ZMAT4: variants seen among roughly 807,000 people sequenced by gnomAD.
ZMAT4 encodes zinc finger matrin-type 4.
Under a neutral mutation model 28.7 loss-of-function variants are expected in ZMAT4, and 17 were observed. The observed-to-expected ratio is 0.59, with a 90% CI of 0.41 to 0.89. The LOEUF is 0.89. ZMAT4 is among the 40% of genes least tolerant of loss of function. ZMAT4 has a pLI of 0.00. For synonymous variants in ZMAT4, 117 were observed against 109.2 expected, an observed-to-expected ratio of 1.07 and a Z score of -0.44; for missense variants, 240 against 283.8, an observed-to-expected ratio of 0.85 and a Z score of 1.11.
intron 6 of ZMAT4, among the ~76,000 whole-genome samples, chr8:40,555,349 G>A (rs1436099240): frequency 6.6e-6 from 1 of 152,080 alleles, no homozygotes; most frequent in Non-Finnish European, 1.5e-5. Flanking sequence ...GAGATTTCTA[G>A]ATCATATGGT....
chr8:40,815,863 G>A (rs571027714), intron 2 of ZMAT4, among the ~76,000 whole-genome samples: 90 of 152,184 alleles, frequency 5.9e-4, no homozygotes, highest in African/African-American at 2.1e-3. Flanking sequence ...TTACCTCCCC[G>A]GCACTGTAAT....
At chr8:40,736,852 G>C (rs983811701) in intron 3 of ZMAT4, among the ~76,000 whole-genome samples, 2 of 152,168 alleles carry the variant, frequency 1.3e-5, no homozygotes, top group Admixed American at 1.3e-4. Flanking sequence ...CAACAGAGAC[G>C]AGGTACTCAT....
At chr8:40,534,098 A>G (rs1318380197) in intron 6 of ZMAT4, among the ~76,000 whole-genome samples, 1 of 152,134 alleles carries the variant, frequency 6.6e-6, no homozygotes, top group Non-Finnish European at 1.5e-5. Flanking sequence ...TTTTAAACTT[A>G]TAGTAAAAGT....
chr8:40,581,230 G>A lies in ZMAT4; in HGVS notation c.609C>T (p.Cys203=). The change falls in exon 6 of 7, where the codon TGC becomes TGT. Residue 203 remains cysteine (C), a synonymous_variant. Coordinates refer to ENST00000297737, the MANE Select transcript of ZMAT4 (RefSeq NM_024645.3). ...GLRRNYRCTI[C]SVSLNSIEQY... ...GTTCTATTGAGTTTAGGGAGACACT[G>A]CAGATGGTACATCTGTAATTGCGCC... 6.2e-7 allele frequency: 1 copy of A among 1,613,482 alleles called. No individual in the cohort carries two copies. Among genetic ancestry groups the A allele is most frequent in the African/African-American group, 1.3e-5 (1 of 75,018 alleles).
chr8:40,832,457 G>T (rs1048931817), intron 1 of ZMAT4, among the ~76,000 whole-genome samples: 1 of 152,196 alleles, frequency 6.6e-6, no homozygotes, highest in Non-Finnish European at 1.5e-5. Context: ...CTGACACCTC[G>T]AAAAGCCGCT....
At chr8:40,701,915 T>C (rs1278960955) in intron 3 of ZMAT4, among the ~76,000 whole-genome samples, 1 of 152,130 alleles carries the variant, frequency 6.6e-6, no homozygotes, top group Non-Finnish European at 1.5e-5. Flanking sequence ...ATGGTTTGAA[T>C]ATGTTGGAAA....
At chr8:40,807,136 GACAA>G (rs1220839799) in intron 2 of ZMAT4, among the ~76,000 whole-genome samples, 39 of 68,960 alleles carry the variant, frequency 5.7e-4, no homozygotes, top group African/African-American at 1.6e-3. Flanking sequence ...GTGGGGTGAG[GACAA>G]AAAAAAAAAA....
chr8:40,677,417 C>G (rs1808958472), intron 4 of ZMAT4, among the ~76,000 whole-genome samples: 1 of 151,782 alleles, frequency 6.6e-6, no homozygotes, highest in Non-Finnish European at 1.5e-5. Context: ...GAATCAAAGA[C>G]AGAACTCTGG....
intron 5 of ZMAT4, among the ~76,000 whole-genome samples, chr8:40,629,992 A>G (rs1160726361): frequency 2.0e-5 from 3 of 152,128 alleles, no homozygotes; most frequent in South Asian, 2.1e-4. Flanking sequence ...ACTGACTTTC[A>G]CAATGGTTCC....
intron 2 of ZMAT4, among the ~76,000 whole-genome samples, chr8:40,775,996 C>T (rs959362584): frequency 6.6e-6 from 1 of 152,140 alleles, no homozygotes; most frequent in Non-Finnish European, 1.5e-5. Context: ...AGAGCCATCG[C>T]CAGAAACCGA....
rs1199369392 is a variant in ZMAT4, at chr8:40,786,720, T to A, written c.103-18990A>T. 4.7e-6 allele frequency: 6 copies of A among 1,289,256 alleles called. 1 individual carries two copies. Among genetic ancestry groups the A allele is most frequent in the African/African-American group, 4.6e-5 (3 of 65,882 alleles). The allele number at this position is 1,289,256 out of a possible 1,614,324, so 79.9% of individuals were successfully genotyped here. ...GAATTCACACAGCCACCTTCTTCAG[T>A]GTGACATCTTCTTTTGGCTTAGTAT... On this transcript the variant is annotated intron_variant, in intron 2 of 6. Coordinates refer to ENST00000297737, the MANE Select transcript of ZMAT4 (RefSeq NM_024645.3).
chr8:40,548,562 A>G (rs1207906212), intron 6 of ZMAT4, among the ~76,000 whole-genome samples: 1 of 152,150 alleles, frequency 6.6e-6, no homozygotes, highest in Non-Finnish European at 1.5e-5. Flanking sequence ...ATTTTCTTAG[A>G]GATTCTGATG....
intron 3 of ZMAT4, among the ~76,000 whole-genome samples, chr8:40,741,067 G>A (rs1052521270): frequency 1.3e-5 from 2 of 151,712 alleles, no homozygotes; most frequent in African/African-American, 2.4e-5. Context: ...CACAAACTTG[G>A]AAATAAACAC....
At chr8:40,718,271 C>G (rs1563432972) in intron 3 of ZMAT4, among the ~76,000 whole-genome samples, 1 of 152,212 alleles carries the variant, frequency 6.6e-6, no homozygotes, top group Non-Finnish European at 1.5e-5. Flanking sequence ...TCAGCAGTGT[C>G]ACCAGCCTGC....
chr8:40,817,118 C>G (rs1276131317), intron 2 of ZMAT4, among the ~76,000 whole-genome samples: 1 of 151,992 alleles, frequency 6.6e-6, no homozygotes, highest in Non-Finnish European at 1.5e-5. Context: ...GGTAAGGAAG[C>G]ATTAAAATAA....
chr8:40,560,199 A>T (rs987487971), intron 6 of ZMAT4, among the ~76,000 whole-genome samples: 1 of 115,128 alleles, frequency 8.7e-6, no homozygotes, highest in Admixed American at 8.0e-5. Flanking sequence ...GTCAAACTTT[A>T]TATATATATA....
At chr8:40,802,361 T>G (rs1178737859) in intron 2 of ZMAT4, among the ~76,000 whole-genome samples, 1 of 152,204 alleles carries the variant, frequency 6.6e-6, no homozygotes, top group Non-Finnish European at 1.5e-5. Flanking sequence ...CTAGAATTCA[T>G]AGGTGATTAT....
Position 40,602,340 on chromosome 8 carries a change from CT to C in ZMAT4, c.578-21080del, listed in dbSNP as rs72584922. Among the ~76,000 whole-genome samples, 166 of 152,266 alleles carry C rather than the reference CT, an allele frequency of 1.1e-3. 4 individuals are homozygous for C. The South Asian group carries it at 0.034, about 31-fold the overall frequency. On this transcript the variant is annotated intron_variant, in intron 5 of 6. Coordinates refer to ENST00000297737, the MANE Select transcript of ZMAT4 (RefSeq NM_024645.3). Reference sequence around the variant, plus strand: ...ACTATAAACATGCATGTGCAAGAATCTTTTTCGTATAATAACTTCTTTTCCT... The same window carrying C: ...ACTATAAACATGCATGTGCAAGAATCTTTTCGTATAATAACTTCTTTTCCT...
At chr8:40,792,399 G>T (rs915687909) in intron 2 of ZMAT4, among the ~76,000 whole-genome samples, 1 of 146,096 alleles carries the variant, frequency 6.8e-6, no homozygotes, top group Non-Finnish European at 1.5e-5. Flanking sequence ...TAAAAATCTT[G>T]CCATTAGCAA....
Sources: allele counts gnomAD v4.1 joint callset (sites outside exome capture counted in the v4.1 genomes callset), GRCh38; gene constraint gnomAD v4.1.1; transcripts MANE v1.5; gene names NCBI Gene and HGNC (gene_info 2026-07-23, HGNC 2026-07-21).